Variants in PRICKLE2 observed in about 807,000 individuals in gnomAD.
PRICKLE2 encodes the protein prickle-like protein 2.
In PRICKLE2, 21 loss-of-function variants were observed where a neutral mutation model predicts 81.4. The ratio of observed to expected loss-of-function variants is 0.26; its 90% CI spans 0.18 to 0.37. PRICKLE2 has a LOEUF of 0.37. Among genes scored for constraint, PRICKLE2 ranks in the 10% least tolerant of loss-of-function variants. PRICKLE2 has a pLI of 1.00. For missense variants in PRICKLE2, 940 were observed against 1,109.0 expected, an observed-to-expected ratio of 0.85 and a Z score of 2.16; for synonymous variants, 456 against 421.5, an observed-to-expected ratio of 1.08 and a Z score of -1.00.
At chr3:64,143,007 T>C (rs187983145) in intron 7 of PRICKLE2, among the ~76,000 whole-genome samples, 1 of 152,122 alleles carries the variant, frequency 6.6e-6, no homozygotes, top group Non-Finnish European at 1.5e-5. Context: ...TCCTAACTAT[T>C]AATTAATTAG....
At chr3:64,138,260 G>T (rs991764528) in intron 7 of PRICKLE2, among the ~76,000 whole-genome samples, 1 of 152,034 alleles carries the variant, frequency 6.6e-6, no homozygotes, top group African/African-American at 2.4e-5. Flanking sequence ...TGACCTCATT[G>T]CCTAGTTCCT....
At chr3:64,167,130 G>T (rs1329489316) in intron 2 of PRICKLE2, among the ~76,000 whole-genome samples, 1 of 152,026 alleles carries the variant, frequency 6.6e-6, no homozygotes, top group Non-Finnish European at 1.5e-5. Flanking sequence ...AATTAAATTT[G>T]GCACAATCCC....
At chr3:64,101,336 G>GT (rs1169724239) in intron 7 of PRICKLE2, 12 of 152,268 alleles carry the variant, frequency 7.9e-5, no homozygotes, top group South Asian at 2.1e-4. Context: ...ATATATTGTG[G>GT]TTTTTTCTAC....
rs775122048 is a variant in PRICKLE2, at chr3:64,157,333, A to G, written c.429T>C (p.Ala143=). Residue 143 remains alanine (A), a synonymous_variant, in exon 5 of 8, where the codon GCT becomes GCC. Transcript: ENST00000638394. The part of the protein sequence containing the change: ...CGGQINGGDI[A]VFASRAGHGV... ...CGTGGCCAGCGCGTGACGCAAACAC[A>G]GCGATGTCTCCACCATTGATCTGGC... 1 of 1,613,654 alleles carries G rather than the reference A, an allele frequency of 6.2e-7. No individual in the cohort carries two copies. Among genetic ancestry groups the G allele is most frequent in the Non-Finnish European group, 8.5e-7 (1 of 1,180,032 alleles).
At chr3:64,255,024 C>A (rs541924556) in intron 2 of PRICKLE2, among the ~76,000 whole-genome samples, 1 of 152,176 alleles carries the variant, frequency 6.6e-6, no homozygotes. Flanking sequence ...TATATACATG[C>A]CCATATGTAT....
rs1055170156 is a variant in PRICKLE2, at chr3:64,097,064, T to C, written c.*1987A>G. ...TTACAAACTTACTATACAAACGTAATAGAGTTAATTCTCCGGAGGCTCGGA... is the reference window on the plus strand; with the variant it reads ...TTACAAACTTACTATACAAACGTAACAGAGTTAATTCTCCGGAGGCTCGGA... On this transcript the variant is annotated 3_prime_UTR_variant, in exon 8 of 8. Transcript: ENST00000638394. The C allele has an allele frequency of 2.0e-5, 3 of 152,598 alleles. No individual in the cohort carries two copies. Among genetic ancestry groups the C allele is most frequent in the Admixed American group, 2.0e-4 (3 of 15,270 alleles). 9.5% of individuals were successfully genotyped at this position (152,598 alleles called of 1,614,324 possible).
intron 6 of PRICKLE2, among the ~76,000 whole-genome samples, chr3:64,149,588 G>A (rs1033362620): frequency 3.9e-5 from 6 of 152,202 alleles, no homozygotes; most frequent in Admixed American, 1.3e-4. Context: ...CAGAAAAAGG[G>A]ACTAATGTGG....
At chr3:64,115,035 G>A (rs1288694707) in intron 7 of PRICKLE2, among the ~76,000 whole-genome samples, 1 of 152,084 alleles carries the variant, frequency 6.6e-6, no homozygotes, top group Non-Finnish European at 1.5e-5. Context: ...AAAAGAATGG[G>A]GGCCAATATT....
At chr3:64,160,144 ACT>A in intron 3 of PRICKLE2, 67 bp from the exon 4 acceptor site, 1 of 1,558,892 alleles carries the variant, frequency 6.4e-7, no homozygotes. Flanking sequence ...GAAGCCCATG[ACT>A]CTGAGTTTTC....
At chr3:64,248,373 T>C (rs941999387) in intron 2 of PRICKLE2, among the ~76,000 whole-genome samples, 4 of 152,150 alleles carry the variant, frequency 2.6e-5, no homozygotes, top group Non-Finnish European at 5.9e-5. Flanking sequence ...CTTTCCCCAA[T>C]AAGTTTCCAA....
intron 1 of PRICKLE2, among the ~76,000 whole-genome samples, chr3:64,213,075 T>C (rs975577408): frequency 2.7e-4 from 40 of 145,624 alleles, no homozygotes; most frequent in African/African-American, 1.0e-3. Context: ...CTGTTTTTTG[T>C]TCTTTTTTTT....
chr3:64,093,472 T>G lies in PRICKLE2; in HGVS notation c.*5579A>C, dbSNP rs1294078520. On this transcript the variant is annotated 3_prime_UTR_variant, in exon 8 of 8. Transcript: ENST00000638394. ...TCCACAGCACTACATCATTTTACATTCCCACCAACAGTGTACAAGTGTTCC... is the reference window on the plus strand; with the variant it reads ...TCCACAGCACTACATCATTTTACATGCCCACCAACAGTGTACAAGTGTTCC... The G allele has an allele frequency of 6.6e-6, 1 of 152,232 alleles. No homozygotes were observed. The highest frequency in any genetic ancestry group is 1.5e-5 in the Non-Finnish European group (1 of 68,056). 9.4% of individuals were successfully genotyped at this position (152,232 alleles called of 1,614,324 possible).
At chr3:64,220,861 T>G (rs908001990) in intron 1 of PRICKLE2, among the ~76,000 whole-genome samples, 2 of 152,152 alleles carry the variant, frequency 1.3e-5, no homozygotes, top group African/African-American at 4.8e-5. Flanking sequence ...CGCTAAAGTT[T>G]ACCCCCTACA....
chr3:64,155,724 T>C (rs1453172598), intron 5 of PRICKLE2, among the ~76,000 whole-genome samples: 2 of 152,202 alleles, frequency 1.3e-5, no homozygotes, highest in Non-Finnish European at 2.9e-5. Flanking sequence ...TTACATATAC[T>C]ACTATATGGA....
chr3:64,260,697 A>T (rs2079604117), intron 2 of PRICKLE2, among the ~76,000 whole-genome samples: 1 of 152,180 alleles, frequency 6.6e-6, no homozygotes, highest in South Asian at 2.1e-4. Flanking sequence ...CTTTTAGAAT[A>T]CGCAACCCTT....
At chr3:64,191,076 T>C (rs1210611898) in intron 2 of PRICKLE2, among the ~76,000 whole-genome samples, 2 of 152,114 alleles carry the variant, frequency 1.3e-5, no homozygotes, top group Non-Finnish European at 2.9e-5. Context: ...CTTGTATCTT[T>C]ATAACAATCC....
At chr3:64,171,752 T>C (rs759081882) in intron 2 of PRICKLE2, among the ~76,000 whole-genome samples, 23 of 152,210 alleles carry the variant, frequency 1.5e-4, no homozygotes, top group South Asian at 4.1e-4. Flanking sequence ...GTAAAACTCA[T>C]TAAGCTTCTC....
chr3:64,145,033 A>G (rs928065808), intron 7 of PRICKLE2, among the ~76,000 whole-genome samples: 2 of 151,372 alleles, frequency 1.3e-5, no homozygotes, highest in African/African-American at 4.9e-5. Flanking sequence ...ACGTTACTCT[A>G]TTTTTTCCCA....
chr3:64,166,893 G>C (rs894927101), intron 2 of PRICKLE2, among the ~76,000 whole-genome samples: 2 of 152,166 alleles, frequency 1.3e-5, no homozygotes, highest in African/African-American at 4.8e-5. Context: ...TCGCCTCCTG[G>C]TGTTTAGATG....
Sources: gnomAD v4.1 joint callset for allele counts (sites outside exome capture counted in the v4.1 genomes callset) on GRCh38, gnomAD v4.1.1 for gene constraint, MANE v1.5 for transcripts, NCBI Gene and HGNC (gene_info 2026-07-23, HGNC 2026-07-21) for gene names.